ZFHX3: variants seen among roughly 807,000 people sequenced by gnomAD.
The protein encoded by ZFHX3 is zinc finger homeobox protein 3.
In ZFHX3, 42 loss-of-function variants were observed where a neutral mutation model predicts 279.1. That is an observed-to-expected ratio of 0.15 (90% CI 0.12 to 0.19). ZFHX3 has a LOEUF of 0.19. Among genes scored for constraint, ZFHX3 ranks in the 10% least tolerant of loss-of-function variants. The pLI is 1.00. For synonymous variants in ZFHX3, 2,293 were observed against 1,957.8 expected (o/e 1.17, Z -4.52); for missense variants, 4,981 against 4,754.0 (o/e 1.05, Z -1.40).
At chr16:72,800,316 G>T (rs1265107427) in intron 7 of ZFHX3, among the ~76,000 whole-genome samples, 187 bp from the exon 8 acceptor site, 1 of 152,104 alleles carries the variant, frequency 6.6e-6, no homozygotes, top group South Asian at 2.1e-4. Context: ...GTGTTTCTAC[G>T]GTTACATTCT....
intron 1 of ZFHX3, among the ~76,000 whole-genome samples, chr16:73,785,645 T>A (rs1301541624): frequency 6.6e-6 from 1 of 152,146 alleles, no homozygotes; most frequent in Non-Finnish European, 1.5e-5. Flanking sequence ...GCAGGGTAAA[T>A]CCTACCCTCA....
intron 1 of ZFHX3, among the ~76,000 whole-genome samples, chr16:73,007,863 A>C (rs2144614727): frequency 6.6e-6 from 1 of 152,308 alleles, no homozygotes; most frequent in Non-Finnish European, 1.5e-5. Flanking sequence ...TTGCATTTTA[A>C]GTTACTGTGT....
rs1555500052 is a variant in ZFHX3 at position 73,760,020 on chromosome 16, A to ATTTTT, written c.-1607-79781_-1607-79780insAAAAA. On this transcript the variant is annotated intron_variant, in intron 1 of 17. Coordinates refer to the ZFHX3 transcript ENST00000641206. ...TGAATCCAGGAGCTGTTTTTTTTTA[A>ATTTTT]AAAAAAATTAATAAAACAGACAACT... Among the ~76,000 whole-genome samples the ATTTTT allele has an allele frequency of 4.0e-3, 525 of 132,186 alleles. 3 individuals carry two copies. Among genetic ancestry groups the ATTTTT allele is most frequent in the African/African-American group, 0.013 (460 of 34,888 alleles). The allele number at this position is 132,186 out of a possible 152,430, so 86.7% of individuals were successfully genotyped here.
intron 1 of ZFHX3, among the ~76,000 whole-genome samples, chr16:73,891,007 C>G (rs951698220): frequency 1.4e-5 from 2 of 146,310 alleles, no homozygotes; most frequent in Non-Finnish European, 3.0e-5. Flanking sequence ...CTTCCCCCTA[C>G]CCCACCTCGC....
In ZFHX3 at chr16:73,850,803, C is replaced by T. The variant is rs1023188214; in HGVS notation, c.-1608+40848G>A. Among the ~76,000 whole-genome samples, 4 of 152,044 alleles carry T rather than the reference C, an allele frequency of 2.6e-5. No individual in the cohort carries two copies. The East Asian group carries it at 7.7e-4, about 29-fold the overall frequency. On this transcript the variant is annotated intron_variant, in intron 1 of 17. Transcript: ENST00000641206. ...AAAGCCACTTTTATGGGGAAGGCTG[C>T]AGACATGAGCAGCTGCTTCCTCAGG...
At chr16:73,682,884 A>G (rs892116617) in intron 1 of ZFHX3, among the ~76,000 whole-genome samples, 2 of 29,512 alleles carry the variant, frequency 6.8e-5, no homozygotes, top group Admixed American at 9.2e-4. Context: ...GAAAGAAAGA[A>G]AGAAAGAAAG....
intron 2 of ZFHX3, among the ~76,000 whole-genome samples, chr16:73,463,289 C>A (rs1404070909): frequency 6.6e-6 from 1 of 152,180 alleles, no homozygotes; most frequent in Non-Finnish European, 1.5e-5. Context: ...GTCCCCTCAA[C>A]TTTACAGAAA....
At chr16:72,922,600 G>A (rs943770693) in intron 3 of ZFHX3, among the ~76,000 whole-genome samples, 1 of 152,072 alleles carries the variant, frequency 6.6e-6, no homozygotes, top group African/African-American at 2.4e-5. Context: ...AGTACCACAC[G>A]AACCTGAGTG....
chr16:73,599,043 G>A (rs2052082800), intron 2 of ZFHX3, among the ~76,000 whole-genome samples: 2 of 152,154 alleles, frequency 1.3e-5, no homozygotes, highest in Non-Finnish European at 2.9e-5. Context: ...TTACAGGTGT[G>A]AGCCACCACG....
intron 2 of ZFHX3, among the ~76,000 whole-genome samples, chr16:73,630,289 G>A (rs936439809): frequency 6.6e-6 from 1 of 152,162 alleles, no homozygotes; most frequent in Non-Finnish European, 1.5e-5. Flanking sequence ...AGGAAAATTG[G>A]AAATTAATTT....
At chr16:73,819,153 C>T (rs1960663959) in intron 1 of ZFHX3, among the ~76,000 whole-genome samples, 1 of 151,792 alleles carries the variant, frequency 6.6e-6, no homozygotes, top group Non-Finnish European at 1.5e-5. Context: ...TCTGAGATTC[C>T]CTTTTAATAG....
chr16:72,796,200 C>T lies in ZFHX3; in HGVS notation c.6482G>A (p.Arg2161Gln), dbSNP rs1264343788. Reference protein sequence around the residue: ...RITDDQLRVLRQYFDINNSPS... With the variant: ...RITDDQLRVLQQYFDINNSPS... ...GGAGTTGTTAATGTCAAAATATTGC[C>T]GCAAGACTCGGAGCTGATCATCTGT... The change falls in exon 9 of 10, where the codon CGG becomes CAG. Residue 2161 changes from arginine to glutamine, a missense_variant. This residue lies in a region of ZFHX3 where 177 missense variants were observed against 244.2 expected (regional missense o/e 0.72). Transcript: ENST00000268489. The T allele has an allele frequency of 1.9e-6, 3 of 1,614,040 alleles. No homozygotes were observed. Among genetic ancestry groups the T allele is most frequent in the South Asian group, 1.1e-5 (1 of 91,080 alleles).
At chr16:72,980,877 A>G (rs1962568189) in intron 1 of ZFHX3, among the ~76,000 whole-genome samples, 1 of 152,226 alleles carries the variant, frequency 6.6e-6, no homozygotes, top group Non-Finnish European at 1.5e-5. Context: ...AATCTAGCCA[A>G]AAGTTCATTG....
chr16:73,674,604 T>C (rs557515362), intron 2 of ZFHX3, among the ~76,000 whole-genome samples: 27 of 152,190 alleles, frequency 1.8e-4, no homozygotes, highest in South Asian at 4.1e-4. Context: ...GCCCTTGCAA[T>C]AGGACATGAC....
intron 4 of ZFHX3, among the ~76,000 whole-genome samples, chr16:73,267,324 T>G (rs1373152582): frequency 6.6e-6 from 1 of 152,080 alleles, no homozygotes; most frequent in Non-Finnish European, 1.5e-5. Flanking sequence ...TCATCTTGTT[T>G]ACACAGGAAA....
chr16:73,560,243 C>CAGTTTATT (rs11281939), intron 2 of ZFHX3, among the ~76,000 whole-genome samples: 106,095 of 151,670 alleles, frequency 0.7, 37,962 homozygotes, highest in African/African-American at 0.84. Context: ...AAGAGATGCT[C>CAGTTTATT]ATTGCTAAGT....
rs1203683979 is a variant in ZFHX3, at chr16:72,794,246, G to C, written c.8436C>G (p.Asp2812Glu). ...CTGAGGACATGGAGGGGCTTTCAAA[G>C]TCTTCAATCCCTTCCACCTTAATGG... is the stretch of plus-strand genomic sequence containing the variant. ...PSSIKVEGIE[D>E]FESPSMSSVN... The change falls in exon 9 of 10, where the codon GAC (aspartate) becomes GAG (glutamate). Residue 2812 changes from aspartate to glutamate, a missense_variant. This residue lies in a region of ZFHX3 where 744 missense variants were observed against 701.3 expected (regional missense o/e 1.06). Coordinates refer to ENST00000268489, the MANE Select transcript of ZFHX3 (RefSeq NM_006885.4). The surrounding 1 kb of genome is among the most constrained non-coding windows in gnomAD (Gnocchi z 4.2). 7 of 1,614,184 alleles carry C rather than the reference G, an allele frequency of 4.3e-6. No individual in the cohort carries two copies. The highest frequency in any genetic ancestry group is 5.9e-6 in the Non-Finnish European group (7 of 1,180,038).
chr16:73,305,456 G>C (rs551556832), intron 4 of ZFHX3, among the ~76,000 whole-genome samples: 17 of 152,186 alleles, frequency 1.1e-4, no homozygotes, highest in African/African-American at 4.1e-4. Flanking sequence ...GACTTCCAAA[G>C]TGAGATGTTA....
At chr16:73,792,630 G>C (rs1010479479) in intron 1 of ZFHX3, among the ~76,000 whole-genome samples, 1 of 152,174 alleles carries the variant, frequency 6.6e-6, no homozygotes, top group African/African-American at 2.4e-5. Flanking sequence ...TAAGTTAAAA[G>C]GGTGAAATTG....
Sources: allele counts gnomAD v4.1 joint callset (sites outside exome capture counted in the v4.1 genomes callset), GRCh38; gene constraint gnomAD v4.1.1; regional missense constraint gnomAD v4.1.1; non-coding constraint Gnocchi (gnomAD v3.1); transcripts MANE v1.5; gene names NCBI Gene and HGNC (gene_info 2026-07-23, HGNC 2026-07-21).